The following RBFOX1 variants were observed in gnomAD, a reference collection of about 807,000 sequenced individuals.
The protein encoded by RBFOX1 is RNA binding protein fox-1 homolog 1.
A neutral mutation model predicts 57.7 loss-of-function variants in RBFOX1; 8 were observed. The ratio of observed to expected loss-of-function variants is 0.14; its 90% CI spans 0.08 to 0.25. The LOEUF (loss-of-function observed/expected upper bound fraction) is 0.25. RBFOX1 is among the 10% of genes least tolerant of loss of function. The pLI is 1.00. For synonymous variants in RBFOX1, 326 were observed against 222.4 expected (o/e 1.47, Z -4.15); for missense variants, 611 against 548.5 (o/e 1.11, Z -1.14).
intron 2 of RBFOX1, among the ~76,000 whole-genome samples, chr16:6,418,784 C>T (rs2093696461): frequency 6.6e-6 from 1 of 152,120 alleles, no homozygotes; most frequent in Admixed American, 6.6e-5. Context: ...CTGCCTTGGC[C>T]TCCCAATATG....
chr16:5,575,650 G>A (rs1380820491), intron 2 of RBFOX1, among the ~76,000 whole-genome samples: 2 of 152,208 alleles, frequency 1.3e-5, no homozygotes, highest in Non-Finnish European at 2.9e-5. Flanking sequence ...GAGACAGGCA[G>A]GAAAGTGCTA....
At chr16:6,498,408 C>T (rs892008635) in intron 2 of RBFOX1, among the ~76,000 whole-genome samples, 1 of 152,090 alleles carries the variant, frequency 6.6e-6, no homozygotes, top group African/African-American at 2.4e-5. Context: ...GAACAATAAT[C>T]AGGCTATCTG....
chr16:6,254,846 C>A (rs192003710), intron 1 of RBFOX1, among the ~76,000 whole-genome samples: 5 of 152,228 alleles, frequency 3.3e-5, no homozygotes, highest in African/African-American at 1.2e-4. Context: ...CTTTCCTGCC[C>A]TGTTCTCTGG....
intron 3 of RBFOX1, among the ~76,000 whole-genome samples, chr16:5,762,376 A>G (rs1272196737): frequency 6.6e-6 from 1 of 151,988 alleles, no homozygotes; most frequent in Non-Finnish European, 1.5e-5. Flanking sequence ...AAAAACGAAG[A>G]AAGAAAACTC....
intron 1 of RBFOX1, among the ~76,000 whole-genome samples, chr16:6,207,860 A>G (rs1336489741): frequency 6.6e-6 from 1 of 152,052 alleles, no homozygotes; most frequent in Non-Finnish European, 1.5e-5. Context: ...GCTAATTAAA[A>G]AAAAATTTTT....
chr16:5,321,352 C>G (rs1596511760), intron 1 of RBFOX1, among the ~76,000 whole-genome samples: 1 of 149,542 alleles, frequency 6.7e-6, no homozygotes, highest in African/African-American at 2.4e-5. Flanking sequence ...TGGAGTCTCG[C>G]TTTGTCACCC....
intron 1 of RBFOX1, among the ~76,000 whole-genome samples, chr16:5,415,293 A>T (rs1003763698): frequency 2.6e-5 from 4 of 152,186 alleles, no homozygotes; most frequent in Admixed American, 6.5e-5. Flanking sequence ...AGCAAGAATG[A>T]GGAAGTGCCA....
At chr16:7,361,078 G>T (rs1242871814) in intron 4 of RBFOX1, among the ~76,000 whole-genome samples, 1 of 152,166 alleles carries the variant, frequency 6.6e-6, no homozygotes, top group Non-Finnish European at 1.5e-5. Context: ...GCCTGCTGGG[G>T]GTTTCTTGGC....
intron 4 of RBFOX1, among the ~76,000 whole-genome samples, chr16:7,258,593 T>C (rs992680409): frequency 2.0e-5 from 3 of 152,238 alleles, no homozygotes; most frequent in African/African-American, 7.2e-5. Context: ...ATGAGATTCA[T>C]ATTAGAGATC....
chr16:6,259,327 A>T (rs1454951004), intron 1 of RBFOX1, among the ~76,000 whole-genome samples: 1 of 152,024 alleles, frequency 6.6e-6, no homozygotes, highest in Non-Finnish European at 1.5e-5. Flanking sequence ...TCTCCTCTCT[A>T]GCCGTTAGGC....
intron 2 of RBFOX1, among the ~76,000 whole-genome samples, chr16:6,412,072 G>C (rs1173287225): frequency 1.3e-5 from 2 of 151,280 alleles, no homozygotes; most frequent in African/African-American, 2.4e-5. Flanking sequence ...GGCAGAGGTT[G>C]CAGTGAGCCA....
At chr16:6,494,968 C>T (rs1008221390) in intron 2 of RBFOX1, among the ~76,000 whole-genome samples, 1 of 152,144 alleles carries the variant, frequency 6.6e-6, no homozygotes, top group Non-Finnish European at 1.5e-5. Flanking sequence ...GTATGTACTA[C>T]TGTTCTTACT....
At chr16:7,337,102 T>C (rs1332492872) in intron 4 of RBFOX1, among the ~76,000 whole-genome samples, 1 of 152,192 alleles carries the variant, frequency 6.6e-6, no homozygotes, top group Non-Finnish European at 1.5e-5. Flanking sequence ...ATGCCTTTAA[T>C]TCCCCTTTGC....
intron 4 of RBFOX1, among the ~76,000 whole-genome samples, chr16:7,296,156 A>G (rs1209326948): frequency 1.3e-5 from 2 of 151,552 alleles, no homozygotes; most frequent in Non-Finnish European, 2.9e-5. Context: ...TTTTCGACAG[A>G]CTGCAGCTAA....
At chr16:7,659,252 G>C (rs2067092772) in intron 12 of RBFOX1, among the ~76,000 whole-genome samples, 1 of 152,212 alleles carries the variant, frequency 6.6e-6, no homozygotes, top group Non-Finnish European at 1.5e-5. Context: ...AAGCTGGTCA[G>C]TGGAAGAACA....
chr16:6,544,831 C>T (rs1440134598), intron 2 of RBFOX1, among the ~76,000 whole-genome samples: 1 of 152,150 alleles, frequency 6.6e-6, no homozygotes, highest in Non-Finnish European at 1.5e-5. Context: ...TACCCACGAC[C>T]AGTGATATTA....
At chr16:5,905,898 C>CT (rs912582263) in intron 4 of RBFOX1, among the ~76,000 whole-genome samples, 1 of 152,200 alleles carries the variant, frequency 6.6e-6, no homozygotes, top group African/African-American at 2.4e-5. Flanking sequence ...GAATTCATCT[C>CT]TTTTTCCCGA....
At chr16:6,414,286 G>C (rs1567221331) in intron 2 of RBFOX1, among the ~76,000 whole-genome samples, 1 of 152,184 alleles carries the variant, frequency 6.6e-6, no homozygotes, top group African/African-American at 2.4e-5. Flanking sequence ...TGTGTATGTA[G>C]ACATATGTAC....
chr16:7,390,370 A>T (rs541640309), intron 4 of RBFOX1, among the ~76,000 whole-genome samples: 7 of 152,276 alleles, frequency 4.6e-5, no homozygotes, highest in South Asian at 4.1e-4. Flanking sequence ...TCTGAGAGAC[A>T]CCCAAACTCA....
Sources: allele counts gnomAD v4.1 joint callset (sites outside exome capture counted in the v4.1 genomes callset), GRCh38; gene constraint gnomAD v4.1.1; transcripts MANE v1.5; gene names NCBI Gene and HGNC (gene_info 2026-07-23, HGNC 2026-07-21).